Variants in PCLO observed in about 807,000 individuals in gnomAD.
PCLO encodes protein piccolo.
Under a neutral mutation model 427.5 loss-of-function variants are expected in PCLO, and 82 were observed. The ratio of observed to expected loss-of-function variants is 0.19; its 90% CI spans 0.16 to 0.23. The LOEUF is 0.23. PCLO is among the 10% of genes least tolerant of loss of function. PCLO has a pLI of 1.00. For missense variants in PCLO, 6,239 were observed against 6,115.9 expected (o/e 1.02, Z -0.67); for synonymous variants, 2,357 against 2,155.4 (o/e 1.09, Z -2.59).
chr7:83,097,028 AAAT>A lies in PCLO; in HGVS notation c.3300+37219_3300+37221del, dbSNP rs1385406301. Among the ~76,000 whole-genome samples, 138 of 34,918 alleles carry A rather than the reference AAAT, an allele frequency of 4.0e-3. 14 individuals carry two copies. Among genetic ancestry groups the A allele is most frequent in the Middle Eastern group, 0.018 (2 of 112 alleles). The allele number at this position is 34,918 out of a possible 152,430, so 22.9% of individuals were successfully genotyped here. ...AAATAATATATATTATATATTATAT[AAAT>A]ATATATTATATATTATATAAATATA... On this transcript the variant is annotated intron_variant, in intron 3 of 24. Transcript: ENST00000333891.
chr7:83,103,898 C>G (rs1790793143), intron 3 of PCLO, among the ~76,000 whole-genome samples: 1 of 151,868 alleles, frequency 6.6e-6, no homozygotes, highest in Non-Finnish European at 1.5e-5. Flanking sequence ...TTTGCCTGTA[C>G]TTGGTAAAAA....
chr7:83,144,901 G>A (rs1791955243), intron 2 of PCLO, among the ~76,000 whole-genome samples: 1 of 152,152 alleles, frequency 6.6e-6, no homozygotes, highest in Non-Finnish European at 1.5e-5. Flanking sequence ...CATAAGAGTT[G>A]TTTTAAGTAT....
At chr7:83,099,481 C>T (rs1790682273) in intron 3 of PCLO, among the ~76,000 whole-genome samples, 2 of 151,260 alleles carry the variant, frequency 1.3e-5, no homozygotes, top group Non-Finnish European at 2.9e-5. Flanking sequence ...CTCCGCCTCC[C>T]GGATTCAAGT....
chr7:82,885,434 A>G (rs1454150190), intron 9 of PCLO, among the ~76,000 whole-genome samples: 1 of 152,186 alleles, frequency 6.6e-6, no homozygotes, highest in Non-Finnish European at 1.5e-5. Context: ...TAAGTTCATG[A>G]TCAGGGAACC....
At chr7:83,050,826 T>G (rs912247421) in intron 3 of PCLO, among the ~76,000 whole-genome samples, 1 of 151,408 alleles carries the variant, frequency 6.6e-6, no homozygotes, top group African/African-American at 2.4e-5. Flanking sequence ...AACAGGAGAA[T>G]CACTTGAACC....
chr7:82,866,671 C>CAT (rs1222708277), intron 10 of PCLO, among the ~76,000 whole-genome samples: 1 of 151,382 alleles, frequency 6.6e-6, no homozygotes, highest in Non-Finnish European at 1.5e-5. Context: ...CACACACACA[C>CAT]ACACACACAC....
rs1792478406 is a variant in PCLO at position 83,162,663 on chromosome 7, G to C, written c.-71C>G. 2.0e-6 allele frequency: 3 copies of C among 1,466,380 alleles called. No individual in the cohort carries two copies. Among genetic ancestry groups the C allele is most frequent in the Non-Finnish European group, 2.7e-6 (3 of 1,114,084 alleles). 90.8% of individuals were successfully genotyped at this position (1,466,380 alleles called of 1,614,324 possible). Reference sequence around the variant, plus strand: ...TCCCAGTCGAGAAGCCCGCGGCCAGGGGAGCAGTCAGAGCCGGGGTCCGCC... The same window carrying C: ...TCCCAGTCGAGAAGCCCGCGGCCAGCGGAGCAGTCAGAGCCGGGGTCCGCC... On this transcript the variant is annotated 5_prime_UTR_variant, in exon 1 of 25. Transcript: ENST00000333891.
At position 82,906,415 on chromosome 7, in the gene PCLO, T is replaced by A. The variant is rs764863076; in HGVS notation, c.13437+2462A>T. Reference sequence around the variant, plus strand: ...TGCAAAGAAGTTAATAACATGAGAATGCCATTTTGTAATTCTCCAAGCCAA... The same window carrying A: ...TGCAAAGAAGTTAATAACATGAGAAAGCCATTTTGTAATTCTCCAAGCCAA... On this transcript the variant is annotated intron_variant, in intron 8 of 24. Transcript: ENST00000333891. Among the ~76,000 whole-genome samples, 3 of 152,016 alleles carry A rather than the reference T, an allele frequency of 2.0e-5. No individual in the cohort carries two copies. In the East Asian group the frequency reaches 5.8e-4, roughly 29 times the overall value.
chr7:83,007,914 T>C (rs1234288934), intron 3 of PCLO, among the ~76,000 whole-genome samples: 1 of 151,710 alleles, frequency 6.6e-6, no homozygotes, highest in Admixed American at 6.6e-5. Context: ...AAATGTTAGC[T>C]GCTGCTATTG....
At chr7:82,800,886 G>C (rs565741902) in intron 22 of PCLO, among the ~76,000 whole-genome samples, 125 of 151,872 alleles carry the variant, frequency 8.2e-4, no homozygotes, top group African/African-American at 3.0e-3. Flanking sequence ...TGCCCAGCCA[G>C]GGATACTAGA....
rs1584107372 is a variant in PCLO, at chr7:83,162,844, G to C, written c.-252C>G. The C allele has an allele frequency of 7.6e-6, 4 of 528,076 alleles. No individual in the cohort carries two copies. In the Admixed American group the frequency reaches 1.1e-4, roughly 15 times the overall value. 32.7% of individuals were successfully genotyped at this position (528,076 alleles called of 1,614,324 possible). A position where few individuals can be genotyped will look rare whatever the true frequency, so the allele number is the denominator to read the frequency against. On this transcript the variant is annotated 5_prime_UTR_variant, in exon 1 of 25. Transcript: ENST00000333891. ...GCAACCTTTGCAGAAGACACCTCCC[G>C]GACGCCGCCTCGGCGCCCCGAGCCG...
chr7:83,051,707 A>G (rs960179521), intron 3 of PCLO, among the ~76,000 whole-genome samples: 2 of 152,162 alleles, frequency 1.3e-5, no homozygotes, highest in Admixed American at 1.3e-4. Flanking sequence ...AACTAATTCT[A>G]AAGTTTGTAT....
chr7:83,059,965 A>G (rs1789503653), intron 3 of PCLO, among the ~76,000 whole-genome samples: 1 of 152,218 alleles, frequency 6.6e-6, no homozygotes, highest in Admixed American at 6.5e-5. Context: ...AGGAGAAACA[A>G]AAACAGTCTA....
At position 82,997,093 on chromosome 7, in the gene PCLO, C is replaced by A. The variant is rs1787636316; in HGVS notation, c.3301-30606G>T. 2.6e-5 allele frequency among the ~76,000 whole-genome samples: 4 copies of A among 151,846 alleles called. No homozygotes were observed. The South Asian group carries it at 8.3e-4, about 31-fold the overall frequency. On this transcript the variant is annotated intron_variant, in intron 3 of 24. Coordinates refer to ENST00000333891, the MANE Select transcript of PCLO (RefSeq NM_033026.6). ...GAGAATAAAAGTTGGAGTCGTAGAT[C>A]AAACACGTTTGGGTCATCACTACAC...
chr7:83,133,328 G>C (rs947305607), intron 3 of PCLO, among the ~76,000 whole-genome samples: 1 of 151,800 alleles, frequency 6.6e-6, no homozygotes, highest in Non-Finnish European at 1.5e-5. Context: ...TGAAACCTTG[G>C]AACAATTATT....
At chr7:83,121,660 G>A (rs773610191) in intron 3 of PCLO, among the ~76,000 whole-genome samples, 12 of 137,414 alleles carry the variant, frequency 8.7e-5, no homozygotes, top group Admixed American at 4.4e-4. Flanking sequence ...CACATAGACT[G>A]AAAATAAATG....
Position 82,949,776 on chromosome 7 carries a change from G to A in PCLO, c.10812C>T (p.Leu3604=), listed in dbSNP as rs1290272785. ...CCAGCTGTACTGTGGAATCTGCCCG[G>A]AGGTGAGATGAATAACCAATCTCTA... is the stretch of plus-strand genomic sequence containing the variant. The part of the protein sequence containing the change: ...TPLEIGYSSH[L]RADSTVQLAP... Residue 3604 remains leucine (L), a synonymous_variant, in exon 6 of 25, where the codon CTC becomes CTT. Transcript: ENST00000333891. 4 of 1,613,816 alleles carry A rather than the reference G, an allele frequency of 2.5e-6. No homozygotes were observed. The highest frequency in any genetic ancestry group is 3.4e-6 in the Non-Finnish European group (4 of 1,179,854).
chr7:83,046,269 T>C (rs527368718), intron 3 of PCLO, among the ~76,000 whole-genome samples: 11 of 152,194 alleles, frequency 7.2e-5, no homozygotes, highest in Non-Finnish European at 4.4e-5. Context: ...CCTATCACAC[T>C]ACCTATTTGA....
At chr7:83,025,100 C>T (rs369880659) in intron 3 of PCLO, among the ~76,000 whole-genome samples, 14,994 of 151,974 alleles carry the variant, frequency 0.099, 987 homozygotes, top group Non-Finnish European at 0.14. Flanking sequence ...CAAAGCTGGA[C>T]GGAGAACGAC....
Sources: allele counts gnomAD v4.1 joint callset (sites outside exome capture counted in the v4.1 genomes callset), GRCh38; gene constraint gnomAD v4.1.1; transcripts MANE v1.5; gene names NCBI Gene and HGNC (gene_info 2026-07-23, HGNC 2026-07-21).